The following CTNNA3 variants were observed in gnomAD, a reference collection of about 807,000 sequenced individuals.
CTNNA3 encodes the protein catenin alpha 3.
Under a neutral mutation model 95.7 loss-of-function variants are expected in CTNNA3, and 76 were observed. The observed-to-expected ratio is 0.79, with a 90% CI of 0.66 to 0.96. The LOEUF (loss-of-function observed/expected upper bound fraction) is 0.96. Ranked by LOEUF, CTNNA3 falls within the 40% of genes least tolerant of loss-of-function variation. The pLI, the probability that CTNNA3 is intolerant of heterozygous loss-of-function variation, is 0.00. For missense variants in CTNNA3, 1,191 were observed against 1,089.8 expected, an observed-to-expected ratio of 1.09 and a Z score of -1.31; for synonymous variants, 431 against 374.4, an observed-to-expected ratio of 1.15 and a Z score of -1.74.
chr10:65,948,343 C>G (rs922178319), intron 17 of CTNNA3, among the ~76,000 whole-genome samples: 4 of 151,614 alleles, frequency 2.6e-5, no homozygotes, highest in South Asian at 2.1e-4. Context: ...CACACCCCCC[C>G]CAACATAGTA....
At chr10:66,569,599 T>C (rs1842808672) in intron 10 of CTNNA3, among the ~76,000 whole-genome samples, 1 of 152,170 alleles carries the variant, frequency 6.6e-6, no homozygotes, top group South Asian at 2.1e-4. Context: ...AATAAGACAT[T>C]ATTATTCTCA....
At position 66,992,902 on chromosome 10, in the gene CTNNA3, A is replaced by G. The variant is rs74371328; in HGVS notation, c.1047+187415T>C. Among the ~76,000 whole-genome samples, 1,336 of 152,180 alleles carry G rather than the reference A, an allele frequency of 8.8e-3. 12 individuals carry two copies. The highest frequency in any genetic ancestry group is 0.014 in the Middle Eastern group (4 of 292). The stretch of plus-strand genomic sequence containing the variant: ...GCTTTGTATCCTCTTCAATTTGACC[A>G]TTTTTGTATCCCGGTACTATTATTA... On this transcript the variant is annotated intron_variant, in intron 7 of 17. Coordinates refer to ENST00000433211, the MANE Select transcript of CTNNA3 (RefSeq NM_013266.4).
At chr10:66,199,125 A>ATT (rs1316427889) in intron 13 of CTNNA3, among the ~76,000 whole-genome samples, 3 of 151,640 alleles carry the variant, frequency 2.0e-5, no homozygotes, top group African/African-American at 7.3e-5. Flanking sequence ...TCCAGCCTGA[A>ATT]TTTCTAAATT....
intron 11 of CTNNA3, among the ~76,000 whole-genome samples, chr10:66,425,529 C>T (rs1489084533): frequency 2.0e-5 from 3 of 151,906 alleles, no homozygotes; most frequent in Non-Finnish European, 4.4e-5. Flanking sequence ...TATGTCCTGC[C>T]TACCAACTAA....
rs1036405056 is a variant in CTNNA3 at position 66,622,519 on chromosome 10, G to T, written c.1282-735C>A. Among the ~76,000 whole-genome samples, 25 of 152,134 alleles carry T rather than the reference G, an allele frequency of 1.6e-4. 1 individual carries two copies. The stretch of plus-strand genomic sequence containing the variant: ...CCATGAAAGAGCCATGATGAAGAGT[G>T]AGAGGTTATTTTCCCTTCCTCTGCA... On this transcript the variant is annotated intron_variant, in intron 9 of 17. Transcript: ENST00000433211.
intron 11 of CTNNA3, among the ~76,000 whole-genome samples, chr10:66,435,434 T>A (rs556078465): frequency 4.4e-4 from 67 of 152,316 alleles, no homozygotes; most frequent in African/African-American, 1.6e-3. Flanking sequence ...TTTATTTGCA[T>A]AGAGGTGTTT....
chr10:67,609,110 A>AAAAAAAAG (rs1843375022), intron 2 of CTNNA3, among the ~76,000 whole-genome samples: 1 of 151,112 alleles, frequency 6.6e-6, no homozygotes. Context: ...AAAAAAAAAA[A>AAAAAAAAG]CAACCCATTT....
chr10:67,243,114 A>G (rs1417066705), intron 5 of CTNNA3, among the ~76,000 whole-genome samples: 5 of 152,078 alleles, frequency 3.3e-5, no homozygotes, highest in African/African-American at 7.2e-5. Flanking sequence ...TTCCAGCTGC[A>G]TATCTCAAGT....
At chr10:66,607,280 A>G (rs898831996) in intron 10 of CTNNA3, among the ~76,000 whole-genome samples, 1 of 152,040 alleles carries the variant, frequency 6.6e-6, no homozygotes, top group African/African-American at 2.4e-5. Flanking sequence ...AAATTGAATC[A>G]GTAATAAATA....
intron 10 of CTNNA3, among the ~76,000 whole-genome samples, chr10:66,615,653 T>C (rs1303548503): frequency 6.6e-6 from 1 of 151,966 alleles, no homozygotes; most frequent in African/African-American, 2.4e-5. Flanking sequence ...GTAGTAAATA[T>C]AAAACCTGAG....
intron 10 of CTNNA3, among the ~76,000 whole-genome samples, chr10:66,552,859 C>A (rs1564528769): frequency 6.6e-6 from 1 of 151,604 alleles, no homozygotes; most frequent in Admixed American, 6.6e-5. Flanking sequence ...GCACATTTTC[C>A]TTTTTTTCCG....
At chr10:67,294,836 G>A (rs940131993) in intron 5 of CTNNA3, among the ~76,000 whole-genome samples, 2 of 152,144 alleles carry the variant, frequency 1.3e-5, no homozygotes, top group African/African-American at 4.8e-5. Flanking sequence ...CCTAGACTGA[G>A]GTGTTGTGAT....
intron 11 of CTNNA3, among the ~76,000 whole-genome samples, chr10:66,463,943 G>A (rs2093546740): frequency 6.6e-6 from 1 of 151,648 alleles, no homozygotes; most frequent in Admixed American, 6.6e-5. Context: ...AAAGACAGTA[G>A]GGAAGAGGAA....
intron 7 of CTNNA3, among the ~76,000 whole-genome samples, chr10:67,080,604 T>A (rs972163624): frequency 5.9e-5 from 9 of 152,252 alleles, no homozygotes; most frequent in African/African-American, 1.9e-4. Flanking sequence ...ATCTTATAGA[T>A]GTGCATAGAA....
intron 15 of CTNNA3, among the ~76,000 whole-genome samples, chr10:66,011,537 A>G (rs888059685): frequency 8.5e-5 from 13 of 152,164 alleles, no homozygotes; most frequent in Non-Finnish European, 1.6e-4. Flanking sequence ...CATTTTTTAT[A>G]TACATAGCAA....
intron 13 of CTNNA3, among the ~76,000 whole-genome samples, chr10:66,138,916 C>G (rs2083476704): frequency 6.6e-6 from 1 of 152,124 alleles, no homozygotes; most frequent in Non-Finnish European, 1.5e-5. Flanking sequence ...ACATCTGGAC[C>G]TTTACACATC....
chr10:66,148,999 A>ATAATTTAACTACATAGTTATAATTAACTG (rs1159602188), intron 13 of CTNNA3, among the ~76,000 whole-genome samples: 3 of 151,318 alleles, frequency 2.0e-5, no homozygotes, highest in African/African-American at 7.3e-5. Flanking sequence ...ATTTATGTAT[A>ATAATTTAACTACATAGTTATAATTAACTG]TAATTTAACT....
At chr10:66,709,182 A>T (rs554197134) in intron 9 of CTNNA3, among the ~76,000 whole-genome samples, 1 of 152,198 alleles carries the variant, frequency 6.6e-6, no homozygotes, top group South Asian at 2.1e-4. Flanking sequence ...ATAAGATTTC[A>T]GGGTAGAATG....
intron 11 of CTNNA3, among the ~76,000 whole-genome samples, chr10:66,413,240 C>A (rs961158583): frequency 1.1e-4 from 17 of 152,082 alleles, no homozygotes; most frequent in Non-Finnish European, 4.4e-5. Context: ...TGGGTCAGCA[C>A]TATTGGCACC....
Sources: gnomAD v4.1 joint callset for allele counts (sites outside exome capture counted in the v4.1 genomes callset) on GRCh38, gnomAD v4.1.1 for gene constraint, MANE v1.5 for transcripts, NCBI Gene and HGNC (gene_info 2026-07-23, HGNC 2026-07-21) for gene names.